The following MTMR3 variants were observed in gnomAD, a reference collection of about 807,000 sequenced individuals.
The protein encoded by MTMR3 is myotubularin related protein 3, also known as phosphatidylinositol-3,5-bisphosphate 3-phosphatase MTMR3.
A neutral mutation model predicts 132.4 loss-of-function variants in MTMR3; 32 were observed. That is an observed-to-expected ratio of 0.24 (90% CI 0.18 to 0.32). The LOEUF is 0.32. Ranked by LOEUF, MTMR3 falls within the 10% of genes least tolerant of loss-of-function variation. MTMR3 has a pLI of 1.00. For missense variants in MTMR3, 1,216 were observed against 1,489.6 expected, an observed-to-expected ratio of 0.82 and a Z score of 3.02; for synonymous variants, 556 against 550.3, an observed-to-expected ratio of 1.01 and a Z score of -0.14.
At position 29,918,023 on chromosome 22, in the gene MTMR3, C is replaced by T. The variant is rs148065550; in HGVS notation, c.-138+34664C>T. On this transcript the variant is annotated intron_variant, in intron 1 of 19. Coordinates refer to ENST00000401950, the MANE Select transcript of MTMR3 (RefSeq NM_021090.4). ...TAAAATACATTTTCCCCTCTGAAAT[C>T]ACGAAATGCCTCATATTGCTAATGC... Among the ~76,000 whole-genome samples, 7 of 152,268 alleles carry T rather than the reference C, an allele frequency of 4.6e-5. No homozygotes were observed. The East Asian group carries it at 9.6e-4, about 21-fold the overall frequency.
chr22:29,944,735 A>AT, intron 1 of MTMR3, among the ~76,000 whole-genome samples: 1 of 152,340 alleles, frequency 6.6e-6, no homozygotes, highest in Non-Finnish European at 1.5e-5. Flanking sequence ...TTATTGTGAT[A>AT]AAACTTTATT....
At chr22:29,972,388 T>C (rs1262967361) in intron 3 of MTMR3, among the ~76,000 whole-genome samples, 1 of 152,326 alleles carries the variant, frequency 6.6e-6, no homozygotes, top group East Asian at 1.9e-4. Flanking sequence ...AAAGTCTTCC[T>C]GGTGTTTTCC....
In MTMR3 at chr22:30,030,062, G is replaced by A. The variant is rs1274444792; in HGVS notation, c.*4261G>A. On this transcript the variant is annotated 3_prime_UTR_variant, in exon 20 of 20. Coordinates refer to ENST00000401950, the MANE Select transcript of MTMR3 (RefSeq NM_021090.4). ...ATCTGCATGTTGTGTGCAGATACCA[G>A]TAGCCTCCCTGCTTGAACAGGCCTC... 2.6e-5 allele frequency: 4 copies of A among 152,244 alleles called. No homozygotes were observed. The highest frequency in any genetic ancestry group is 5.9e-5 in the Non-Finnish European group (4 of 68,014). The allele number at this position is 152,244 out of a possible 1,614,324, so 9.4% of individuals were successfully genotyped here. A position where few individuals can be genotyped will look rare whatever the true frequency, so the allele number is the denominator to read the frequency against.
At chr22:29,923,613 T>A (rs897992401) in intron 1 of MTMR3, among the ~76,000 whole-genome samples, 2 of 152,304 alleles carry the variant, frequency 1.3e-5, no homozygotes, top group Middle Eastern at 3.4e-3. Context: ...TAACAAAATA[T>A]CACACTCTGG....
chr22:29,953,643 ATC>A (rs1453628588), intron 1 of MTMR3, among the ~76,000 whole-genome samples: 8 of 152,298 alleles, frequency 5.3e-5, no homozygotes, highest in African/African-American at 1.9e-4. Flanking sequence ...CTTCAGGGTT[ATC>A]TTTTACAATG....
At chr22:29,952,878 G>A (rs1255041013) in intron 1 of MTMR3, among the ~76,000 whole-genome samples, 1 of 152,024 alleles carries the variant, frequency 6.6e-6, no homozygotes, top group East Asian at 1.9e-4. Flanking sequence ...TACCCAACAT[G>A]CTACAGAATT....
At chr22:29,979,121 C>A in intron 5 of MTMR3, 69 bp downstream of exon 5, 1 of 1,024,046 alleles carries the variant, frequency 9.8e-7, no homozygotes, top group Non-Finnish European at 1.5e-6. Flanking sequence ...TTAATGCTCT[C>A]AAAGAGAGGA....
chr22:30,001,290 C>T (rs1296895433), intron 8 of MTMR3: 1 of 152,384 alleles, frequency 6.6e-6, no homozygotes, highest in Non-Finnish European at 1.5e-5. Flanking sequence ...ACTCAGGAGA[C>T]TGAGGCAGGA....
chr22:29,971,860 A>C (rs1463810382), intron 3 of MTMR3, among the ~76,000 whole-genome samples: 1 of 152,172 alleles, frequency 6.6e-6, no homozygotes, highest in South Asian at 2.1e-4. Flanking sequence ...CCTCTGTAAT[A>C]TTGTCCTTCT....
At position 30,027,129 on chromosome 22, in the gene MTMR3, G is replaced by C. The variant is rs997142133; in HGVS notation, c.*1328G>C. The C allele has an allele frequency of 6.5e-6, 1 of 152,792 alleles. No homozygotes were observed. The highest frequency in any genetic ancestry group is 6.5e-5 in the Admixed American group (1 of 15,288). The allele number at this position is 152,792 out of a possible 1,614,324, so 9.5% of individuals were successfully genotyped here. ...GTGGGGAAGGTTGGAGAAGAGTTAG[G>C]TTTGTGCTTTGTAATCTTGGCATCC... On this transcript the variant is annotated 3_prime_UTR_variant, in exon 20 of 20. Transcript: ENST00000401950.
At chr22:29,970,937 T>TC in intron 2 of MTMR3, 39 bp from the exon 3 acceptor site, 1 of 788,894 alleles carries the variant, frequency 1.3e-6, no homozygotes, top group Non-Finnish European at 1.9e-6. Flanking sequence ...CCCCTCCTCT[T>TC]TTTTTTTTCT....
intron 1 of MTMR3, among the ~76,000 whole-genome samples, chr22:29,952,737 T>C (rs2066109059): frequency 6.6e-6 from 1 of 152,226 alleles, no homozygotes; most frequent in African/African-American, 2.4e-5. Flanking sequence ...TCTGTTTTCA[T>C]TTATAGTTGA....
At chr22:29,891,883 G>C (rs182698500) in intron 1 of MTMR3, among the ~76,000 whole-genome samples, 3 of 151,772 alleles carry the variant, frequency 2.0e-5, no homozygotes, top group African/African-American at 4.8e-5. Flanking sequence ...GGCTGGGCGC[G>C]GTGGCTCAGG....
chr22:29,884,391 A>G (rs2064623477), intron 1 of MTMR3, among the ~76,000 whole-genome samples: 1 of 152,036 alleles, frequency 6.6e-6, no homozygotes, highest in Non-Finnish European at 1.5e-5. Flanking sequence ...ATTTTTTTCA[A>G]TGTGAAATGT....
At chr22:29,885,356 G>A (rs2064652321) in intron 1 of MTMR3, among the ~76,000 whole-genome samples, 1 of 152,152 alleles carries the variant, frequency 6.6e-6, no homozygotes. Flanking sequence ...AGGTGGAGAA[G>A]GGGAAGCATG....
intron 2 of MTMR3, among the ~76,000 whole-genome samples, chr22:29,970,435 T>C (rs1354896318): frequency 6.6e-6 from 1 of 151,166 alleles, no homozygotes; most frequent in Non-Finnish European, 1.5e-5. Flanking sequence ...CCAGGCTCAG[T>C]TGATCCTCCC....
chr22:30,022,406 C>T (rs2067785752), intron 18 of MTMR3: 2 of 616,898 alleles, frequency 3.2e-6, no homozygotes, highest in South Asian at 1.9e-5. Flanking sequence ...CTGCTGCCTG[C>T]TACTTTATCT....
intron 7 of MTMR3, chr22:29,993,705 T>C (rs1041098301): frequency 6.6e-6 from 1 of 152,244 alleles, no homozygotes; most frequent in African/African-American, 2.4e-5. Flanking sequence ...AGCAAACTCT[T>C]AGGATATTCC....
intron 1 of MTMR3, among the ~76,000 whole-genome samples, chr22:29,954,155 C>T (rs890587077): frequency 2.8e-5 from 4 of 143,568 alleles, no homozygotes; most frequent in Non-Finnish European, 3.0e-5. Flanking sequence ...AATCATAGCT[C>T]GCTGCAACCT....
Sources: gnomAD v4.1 joint callset for allele counts (sites outside exome capture counted in the v4.1 genomes callset) on GRCh38, gnomAD v4.1.1 for gene constraint, MANE v1.5 for transcripts, NCBI Gene and HGNC (gene_info 2026-07-23, HGNC 2026-07-21) for gene names.